The following SORCS3 variants were observed in gnomAD, a reference collection of about 807,000 sequenced individuals.
SORCS3 encodes sortilin related VPS10 domain containing receptor 3.
SORCS3 carries 57 observed loss-of-function variants against 146.3 expected under a neutral mutation model. The ratio of observed to expected loss-of-function variants is 0.39; its 90% confidence interval spans 0.31 to 0.49. The LOEUF (loss-of-function observed/expected upper bound fraction) is 0.49. Among genes scored for constraint, SORCS3 ranks in the 20% least tolerant of loss-of-function variants. SORCS3 has a pLI of 0.92. For missense variants in SORCS3, 1,341 were observed against 1,575.5 expected, an observed-to-expected ratio of 0.85 and a Z score of 2.52; for synonymous variants, 653 against 618.5, an observed-to-expected ratio of 1.06 and a Z score of -0.83.
At chr10:105,249,244 T>A (rs2056884960) in intron 22 of SORCS3, among the ~76,000 whole-genome samples, 1 of 152,200 alleles carries the variant, frequency 6.6e-6, no homozygotes, top group South Asian at 2.1e-4. Context: ...TGACTTTTAA[T>A]GTAAGTCTGG....
intron 1 of SORCS3, among the ~76,000 whole-genome samples, chr10:104,779,835 T>C (rs895163675): frequency 6.6e-6 from 1 of 152,198 alleles, no homozygotes; most frequent in African/African-American, 2.4e-5. Context: ...GTCTCTACTC[T>C]GCCCTGCCTC....
At chr10:104,798,687 C>T (rs1242366159) in intron 1 of SORCS3, among the ~76,000 whole-genome samples, 1 of 152,062 alleles carries the variant, frequency 6.6e-6, no homozygotes, top group Non-Finnish European at 1.5e-5. Flanking sequence ...TTTACCCAAA[C>T]ACATTGAAAA....
chr10:105,214,709 C>G (rs763309523), intron 18 of SORCS3, 96 bp downstream of exon 18: 2 of 1,197,530 alleles, frequency 1.7e-6, no homozygotes, highest in Non-Finnish European at 2.3e-6. Context: ...ACCCCTGCAC[C>G]AAAGTCAATG....
chr10:105,033,099 C>T (rs1298259501), intron 4 of SORCS3, among the ~76,000 whole-genome samples: 1 of 152,072 alleles, frequency 6.6e-6, no homozygotes, highest in Non-Finnish European at 1.5e-5. Flanking sequence ...GTAAGGTTGT[C>T]TTATGTGACT....
chr10:104,981,063 A>G (rs932902794), intron 4 of SORCS3, among the ~76,000 whole-genome samples: 4 of 152,098 alleles, frequency 2.6e-5, no homozygotes, highest in Non-Finnish European at 1.5e-5. Context: ...CTTCCATTTG[A>G]CCTTGCTGGA....
intron 5 of SORCS3, among the ~76,000 whole-genome samples, chr10:105,048,297 G>A (rs7067591): frequency 0.97 from 140,899 of 144,574 alleles, 68,719 homozygotes; most frequent in Non-Finnish European, 0.99. Context: ...ATGTCCAACA[G>A]GGATAGACTG....
chr10:104,798,431 G>A (rs574102039), intron 1 of SORCS3, among the ~76,000 whole-genome samples: 1 of 152,242 alleles, frequency 6.6e-6, no homozygotes, highest in African/African-American at 2.4e-5. Flanking sequence ...CAAGTCATCT[G>A]CATAACAATC....
intron 3 of SORCS3, among the ~76,000 whole-genome samples, chr10:104,967,273 G>C (rs1393290605): frequency 6.6e-6 from 1 of 152,132 alleles, no homozygotes; most frequent in East Asian, 1.9e-4. Flanking sequence ...AATATTACCA[G>C]AAATGCAAAA....
At chr10:104,943,978 G>A (rs975286573) in intron 3 of SORCS3, among the ~76,000 whole-genome samples, 2 of 152,034 alleles carry the variant, frequency 1.3e-5, no homozygotes, top group Non-Finnish European at 2.9e-5. Flanking sequence ...GAGTGAAGTG[G>A]CATGGTCATA....
intron 4 of SORCS3, among the ~76,000 whole-genome samples, chr10:105,026,712 T>G (rs2055234309): frequency 6.6e-6 from 1 of 152,106 alleles, no homozygotes; most frequent in Admixed American, 6.5e-5. Flanking sequence ...TTATACTAAG[T>G]GAATTAAGGC....
intron 2 of SORCS3, among the ~76,000 whole-genome samples, chr10:104,892,921 T>C (rs541012772): frequency 2.6e-5 from 4 of 152,056 alleles, no homozygotes; most frequent in Admixed American, 6.6e-5. Flanking sequence ...AAAAAGTCAA[T>C]CTCTTTCTTC....
intron 1 of SORCS3, among the ~76,000 whole-genome samples, chr10:104,786,913 T>C (rs558228350): frequency 1.3e-5 from 2 of 152,320 alleles, no homozygotes; most frequent in South Asian, 4.1e-4. Flanking sequence ...CACTGCCCAC[T>C]CCTGCTTTTC....
intron 4 of SORCS3, among the ~76,000 whole-genome samples, chr10:105,007,267 A>G (rs755107257): frequency 2.0e-5 from 3 of 152,208 alleles, no homozygotes; most frequent in Non-Finnish European, 2.9e-5. Context: ...ACAGAAAAAT[A>G]TGTGATATAA....
chr10:104,777,427 G>A (rs1468422523), intron 1 of SORCS3, among the ~76,000 whole-genome samples: 1 of 152,184 alleles, frequency 6.6e-6, no homozygotes, highest in African/African-American at 2.4e-5. Context: ...CCAACCTGCT[G>A]TAGCTCAGTG....
chr10:104,916,051 T>C (rs1564712547), intron 3 of SORCS3, 119 bp downstream of exon 3: 1 of 702,198 alleles, frequency 1.4e-6, no homozygotes, highest in Non-Finnish European at 2.5e-6. Flanking sequence ...CTGGTTTATA[T>C]GCTGGGAACT....
chr10:104,819,653 G>T lies in SORCS3; in HGVS notation c.628-23139G>T, dbSNP rs567858786. On this transcript the variant is annotated intron_variant, in intron 1 of 26. Transcript: ENST00000369701. ...GTGCTGGGCAGTGGGAGGCAGGTGCGCCCTTTCCCTTTCCCCAGATCTACC... is the reference window on the plus strand; with the variant it reads ...GTGCTGGGCAGTGGGAGGCAGGTGCTCCCTTTCCCTTTCCCCAGATCTACC... Among the ~76,000 whole-genome samples, 12 of 152,240 alleles carry T rather than the reference G, an allele frequency of 7.9e-5. No homozygotes were observed. In the East Asian group the frequency reaches 2.3e-3, roughly 29 times the overall value.
chr10:104,923,699 C>G (rs915091004), intron 3 of SORCS3, among the ~76,000 whole-genome samples: 14 of 152,140 alleles, frequency 9.2e-5, no homozygotes, highest in Admixed American at 9.2e-4. Context: ...GTACCACACT[C>G]CCTCCTTCAT....
chr10:105,181,910 C>A (rs1002963276), intron 14 of SORCS3, among the ~76,000 whole-genome samples: 3 of 152,130 alleles, frequency 2.0e-5, no homozygotes, highest in African/African-American at 7.2e-5. Context: ...TTAAAGAGAG[C>A]TTTTCTTTAG....
chr10:105,155,134 G>A (rs1428192297), intron 9 of SORCS3, among the ~76,000 whole-genome samples: 1 of 152,138 alleles, frequency 6.6e-6, no homozygotes, highest in East Asian at 1.9e-4. Context: ...CAGAATATGT[G>A]GGACACACAG....
Sources: gnomAD v4.1 joint callset for allele counts (sites outside exome capture counted in the v4.1 genomes callset) on GRCh38, gnomAD v4.1.1 for gene constraint, MANE v1.5 for transcripts, NCBI Gene and HGNC (gene_info 2026-07-23, HGNC 2026-07-21) for gene names.